Variants in STIM1 observed in about 807,000 individuals in gnomAD.
STIM1 encodes the protein stromal interaction molecule 1.
In STIM1, 25 loss-of-function variants were observed where a neutral mutation model predicts 74.7. The observed-to-expected ratio is 0.33, with a 90% CI of 0.24 to 0.47. STIM1 has a LOEUF of 0.47. Among genes scored for constraint, STIM1 ranks in the 20% least tolerant of loss-of-function variants. The pLI is 1.00. For missense variants in STIM1, 728 were observed against 920.8 expected (o/e 0.79, Z 2.71); for synonymous variants, 328 against 348.8 (o/e 0.94, Z 0.66).
At chr11:3,908,201 A>G (rs1835150444) in intron 1 of STIM1, among the ~76,000 whole-genome samples, 1 of 152,238 alleles carries the variant, frequency 6.6e-6, no homozygotes, top group Admixed American at 6.5e-5. Flanking sequence ...GAATGAACAA[A>G]TGATTGAATA....
chr11:3,856,501 T>C (rs1037983379), intron 1 of STIM1, 92 bp downstream of exon 1: 57 of 1,485,750 alleles, frequency 3.8e-5, no homozygotes, highest in Non-Finnish European at 4.8e-5. Flanking sequence ...GGTTTGTACA[T>C]GTGAGGTTCA....
intron 2 of STIM1, among the ~76,000 whole-genome samples, chr11:4,008,493 A>G (rs2093804745): frequency 2.0e-5 from 3 of 152,252 alleles, no homozygotes; most frequent in South Asian, 2.1e-4. Flanking sequence ...CACTTACAAT[A>G]TGAAACACTG....
chr11:4,068,342 GGA>G (rs2094381663), intron 5 of STIM1, among the ~76,000 whole-genome samples: 1 of 152,168 alleles, frequency 6.6e-6, no homozygotes, highest in Non-Finnish European at 1.5e-5. Flanking sequence ...CTCGTTGCAT[GGA>G]GTCTTGTTTG....
intron 2 of STIM1, among the ~76,000 whole-genome samples, chr11:4,006,855 T>C (rs367623918): frequency 7.9e-5 from 12 of 152,120 alleles, no homozygotes; most frequent in African/African-American, 2.9e-4. Flanking sequence ...AGGTAAGTAG[T>C]AGGGAACAAG....
intron 7 of STIM1, among the ~76,000 whole-genome samples, chr11:4,078,153 C>G (rs945297348): frequency 6.6e-6 from 1 of 152,160 alleles, no homozygotes; most frequent in Admixed American, 6.5e-5. Context: ...TAGTTTTCCC[C>G]CTTTCTTTTG....
At chr11:4,025,085 G>A (rs1187397556) in intron 3 of STIM1, among the ~76,000 whole-genome samples, 8 of 152,170 alleles carry the variant, frequency 5.3e-5, no homozygotes, top group Admixed American at 5.2e-4. Flanking sequence ...ATTTAGTAGA[G>A]CCAGAACTTC....
chr11:4,074,346 G>A (rs530878544), intron 6 of STIM1, among the ~76,000 whole-genome samples, 156 bp from the exon 7 acceptor site: 7 of 152,310 alleles, frequency 4.6e-5, no homozygotes, highest in Non-Finnish European at 8.8e-5. Context: ...GTTTCTATGG[G>A]CCTTGAGCTA....
chr11:3,899,231 C>T (rs2092277446), intron 1 of STIM1, among the ~76,000 whole-genome samples: 2 of 152,186 alleles, frequency 1.3e-5, no homozygotes, highest in African/African-American at 2.4e-5. Context: ...AGGTCCTTCA[C>T]ATCCCTTGTA....
At chr11:3,947,473 G>A (rs1035550293) in intron 1 of STIM1, 7 of 152,172 alleles carry the variant, frequency 4.6e-5, no homozygotes, top group Non-Finnish European at 1.0e-4. Context: ...AGGCTTTCTG[G>A]CTCTGATGTT....
At chr11:3,976,154 G>C (rs1214895386) in intron 2 of STIM1, among the ~76,000 whole-genome samples, 1 of 152,156 alleles carries the variant, frequency 6.6e-6, no homozygotes, top group Non-Finnish European at 1.5e-5. Context: ...TGAATTTTTT[G>C]GATGAACACC....
At chr11:4,001,479 C>A (rs1169550330) in intron 2 of STIM1, among the ~76,000 whole-genome samples, 1 of 152,076 alleles carries the variant, frequency 6.6e-6, no homozygotes, top group Non-Finnish European at 1.5e-5. Context: ...TCATATCCAG[C>A]CAAACTAAGC....
At chr11:3,900,144 G>T (rs1014697662) in intron 1 of STIM1, among the ~76,000 whole-genome samples, 2 of 152,142 alleles carry the variant, frequency 1.3e-5, no homozygotes, top group Non-Finnish European at 2.9e-5. Flanking sequence ...AATGGCAGAC[G>T]ACCCTCCCCC....
intron 2 of STIM1, among the ~76,000 whole-genome samples, chr11:3,996,691 A>C (rs1006077058): frequency 6.6e-6 from 1 of 152,192 alleles, no homozygotes; most frequent in East Asian, 1.9e-4. Context: ...TTTCTTGAGC[A>C]TATGTTTCTT....
intron 3 of STIM1, among the ~76,000 whole-genome samples, chr11:4,052,176 A>G (rs889728205): frequency 1.1e-4 from 16 of 152,304 alleles, no homozygotes; most frequent in African/African-American, 3.1e-4. Context: ...AAATGGCCAT[A>G]TTGCCCAAGG....
chr11:3,914,557 T>G (rs1328122700), intron 1 of STIM1, among the ~76,000 whole-genome samples: 2 of 152,192 alleles, frequency 1.3e-5, no homozygotes, highest in South Asian at 2.1e-4. Flanking sequence ...TTCTCCTGTC[T>G]CAGCCTCCCG....
At chr11:3,979,478 C>T (rs1401605063) in intron 2 of STIM1, among the ~76,000 whole-genome samples, 4 of 152,206 alleles carry the variant, frequency 2.6e-5, no homozygotes, top group Non-Finnish European at 4.4e-5. Context: ...CAGGGTCTTG[C>T]TCTGTCCTCT....
chr11:3,902,050 G>A (rs1290284978), intron 1 of STIM1, among the ~76,000 whole-genome samples: 1 of 152,236 alleles, frequency 6.6e-6, no homozygotes, highest in Non-Finnish European at 1.5e-5. Context: ...TTACAGGCAT[G>A]AGCCAATGTG....
At chr11:4,038,505 T>C (rs1006849015) in intron 3 of STIM1, among the ~76,000 whole-genome samples, 4 of 152,178 alleles carry the variant, frequency 2.6e-5, no homozygotes, top group African/African-American at 7.2e-5. Flanking sequence ...GGCTTGGAAA[T>C]TCAAGGCCAT....
chr11:4,016,389 CA>C (rs2093897148), intron 2 of STIM1, among the ~76,000 whole-genome samples: 1 of 152,198 alleles, frequency 6.6e-6, no homozygotes, highest in African/African-American at 2.4e-5. Flanking sequence ...TGCAGAACAG[CA>C]AATGTTGCTG....
Sources: allele counts gnomAD v4.1 joint callset (sites outside exome capture counted in the v4.1 genomes callset), GRCh38; gene constraint gnomAD v4.1.1; transcripts MANE v1.5; gene names NCBI Gene and HGNC (gene_info 2026-07-23, HGNC 2026-07-21).